CSMD1: variants seen among roughly 807,000 people sequenced by gnomAD.
CSMD1 encodes CUB and Sushi multiple domains 1.
Under a neutral mutation model 417.5 loss-of-function variants are expected in CSMD1, and 213 were observed. The ratio of observed to expected loss-of-function variants is 0.51; its 90% CI spans 0.46 to 0.57. CSMD1 has a LOEUF of 0.57. Among genes scored for constraint, CSMD1 ranks in the 20% least tolerant of loss-of-function variants. The pLI, the probability that CSMD1 is intolerant of heterozygous loss-of-function variation, is 0.00. For synonymous variants in CSMD1, 2,862 were observed against 1,736.8 expected (o/e 1.65, Z -16.11); for missense variants, 6,923 against 4,529.7 (o/e 1.53, Z -15.17).
At chr8:4,466,115 T>C (rs1034297645) in intron 2 of CSMD1, among the ~76,000 whole-genome samples, 2 of 152,118 alleles carry the variant, frequency 1.3e-5, no homozygotes, top group African/African-American at 4.8e-5. Context: ...CTCGAGTAAA[T>C]GGGAGGATAG....
chr8:3,109,367 G>A (rs1358693254), intron 43 of CSMD1, among the ~76,000 whole-genome samples: 2 of 152,196 alleles, frequency 1.3e-5, no homozygotes, highest in East Asian at 3.9e-4. Context: ...ACCACAGAAT[G>A]CTGTTTTGTT....
At chr8:4,114,128 A>G (rs926107571) in intron 3 of CSMD1, among the ~76,000 whole-genome samples, 2 of 152,218 alleles carry the variant, frequency 1.3e-5, no homozygotes, top group Non-Finnish European at 2.9e-5. Flanking sequence ...CATAGGAGGA[A>G]AGAGGGTAAG....
intron 5 of CSMD1, among the ~76,000 whole-genome samples, chr8:3,991,398 T>C (rs982146651): frequency 1.3e-5 from 2 of 152,212 alleles, no homozygotes; most frequent in Non-Finnish European, 2.9e-5. Flanking sequence ...TATATAACCC[T>C]GTTTAGTCAC....
intron 7 of CSMD1, among the ~76,000 whole-genome samples, chr8:3,689,232 A>T (rs868594683): frequency 2.0e-5 from 3 of 152,168 alleles, no homozygotes; most frequent in Non-Finnish European, 4.4e-5. Context: ...CTTCTAACTT[A>T]TCCACAGTTA....
chr8:4,974,419 G>T (rs553435920), intron 1 of CSMD1, among the ~76,000 whole-genome samples: 11 of 152,066 alleles, frequency 7.2e-5, no homozygotes, highest in African/African-American at 2.7e-4. Flanking sequence ...ATTTGGAGTT[G>T]AGATATATTT....
In CSMD1 at chr8:4,320,743, T is replaced by G. The variant is rs535266034; in HGVS notation, c.415+99210A>C. Among the ~76,000 whole-genome samples the G allele has an allele frequency of 1.8e-3, 280 of 152,284 alleles. 2 individuals carry two copies. Among genetic ancestry groups the G allele is most frequent in the Non-Finnish European group, 1.8e-3 (124 of 68,036 alleles). On this transcript the variant is annotated intron_variant, in intron 3 of 69. Coordinates refer to ENST00000635120, the MANE Select transcript of CSMD1 (RefSeq NM_033225.6). ...TGGTGTGTATGTGCCACATTTTATTTACCCAGTCTATCATTGACGGGCATT... is the reference window on the plus strand; with the variant it reads ...TGGTGTGTATGTGCCACATTTTATTGACCCAGTCTATCATTGACGGGCATT...
At chr8:4,355,290 G>A (rs1394861492) in intron 3 of CSMD1, among the ~76,000 whole-genome samples, 2 of 149,890 alleles carry the variant, frequency 1.3e-5, no homozygotes, top group African/African-American at 4.9e-5. Flanking sequence ...TGTGGACACA[G>A]GAACAAACCA....
chr8:4,361,906 G>C (rs1226426904), intron 3 of CSMD1, among the ~76,000 whole-genome samples: 2 of 152,018 alleles, frequency 1.3e-5, no homozygotes, highest in Non-Finnish European at 2.9e-5. Context: ...AGTGAGGCGA[G>C]TTCACTCCAC....
chr8:3,612,232 G>A (rs1181975001), intron 8 of CSMD1, among the ~76,000 whole-genome samples: 1 of 151,884 alleles, frequency 6.6e-6, no homozygotes, highest in African/African-American at 2.4e-5. Context: ...ATAACAAAAG[G>A]TATTGAAGAA....
chr8:4,958,437 A>C (rs529492799), intron 1 of CSMD1, among the ~76,000 whole-genome samples: 1 of 152,196 alleles, frequency 6.6e-6, no homozygotes, highest in South Asian at 2.1e-4. Context: ...AAGGTAGATG[A>C]AGGTTAAAAG....
intron 26 of CSMD1, 66 bp from the exon 27 acceptor site, chr8:3,230,297 G>C (rs1798758767): frequency 7.5e-7 from 1 of 1,332,836 alleles, no homozygotes; most frequent in Non-Finnish European, 1.0e-6. Context: ...TTGTCGGTGT[G>C]GTTGTTCTTG....
intron 3 of CSMD1, among the ~76,000 whole-genome samples, chr8:4,368,236 T>C (rs1265379607): frequency 1.3e-5 from 2 of 152,204 alleles, no homozygotes; most frequent in Non-Finnish European, 2.9e-5. Flanking sequence ...ATTTTCTGTG[T>C]CTACTGAGAT....
At chr8:3,732,453 G>A (rs1796321462) in intron 6 of CSMD1, among the ~76,000 whole-genome samples, 1 of 152,082 alleles carries the variant, frequency 6.6e-6, no homozygotes, top group Non-Finnish European at 1.5e-5. Context: ...CATTCCTTAG[G>A]AATAGTAATT....
At chr8:3,380,916 T>C (rs1462369549) in intron 18 of CSMD1, among the ~76,000 whole-genome samples, 2 of 151,888 alleles carry the variant, frequency 1.3e-5, no homozygotes, top group East Asian at 1.9e-4. Context: ...TTTGGTTAGA[T>C]AGTAAAATAT....
intron 26 of CSMD1, among the ~76,000 whole-genome samples, chr8:3,254,713 C>T (rs560505395): frequency 2.0e-5 from 3 of 152,184 alleles, no homozygotes; most frequent in Admixed American, 2.0e-4. Context: ...CCTTGGTTTT[C>T]AGCTCCGTCA....
intron 1 of CSMD1, among the ~76,000 whole-genome samples, chr8:4,804,115 T>C (rs574677037): frequency 5.0e-4 from 76 of 152,316 alleles, no homozygotes; most frequent in African/African-American, 1.7e-3. Flanking sequence ...ATTTCCACAA[T>C]AACGAGAAAC....
intron 7 of CSMD1, among the ~76,000 whole-genome samples, chr8:3,699,008 C>A (rs1406954324): frequency 1.3e-5 from 2 of 152,200 alleles, no homozygotes; most frequent in Non-Finnish European, 2.9e-5. Context: ...ATCCCACCCT[C>A]CTTGTACCCA....
intron 17 of CSMD1, among the ~76,000 whole-genome samples, chr8:3,395,989 A>G (rs1195721019): frequency 6.6e-6 from 1 of 152,172 alleles, no homozygotes; most frequent in Non-Finnish European, 1.5e-5. Context: ...ATGGATACGT[A>G]TTTTTGAGAG....
At chr8:4,149,625 G>A (rs779070029) in intron 3 of CSMD1, among the ~76,000 whole-genome samples, 3 of 152,134 alleles carry the variant, frequency 2.0e-5, no homozygotes, top group East Asian at 1.9e-4. Context: ...TCTGTCTGTA[G>A]AATCATCCTA....
Sources: gnomAD v4.1 joint callset for allele counts (sites outside exome capture counted in the v4.1 genomes callset) on GRCh38, gnomAD v4.1.1 for gene constraint, MANE v1.5 for transcripts, NCBI Gene and HGNC (gene_info 2026-07-23, HGNC 2026-07-21) for gene names.